The following SGTB variants were observed in gnomAD, a reference collection of about 807,000 sequenced individuals.
SGTB encodes small glutamine rich tetratricopeptide repeat co-chaperone beta.
SGTB carries 19 observed loss-of-function variants against 43.9 expected under a neutral mutation model. That is an observed-to-expected ratio of 0.43 (90% CI 0.30 to 0.63). The LOEUF (loss-of-function observed/expected upper bound fraction) is 0.63, where lower values mean the gene tolerates loss of function less well. SGTB is among the 30% of genes least tolerant of loss of function. SGTB has a pLI of 0.12. For synonymous variants in SGTB, 116 were observed against 117.3 expected (o/e 0.99, Z 0.07); for missense variants, 304 against 358.9 (o/e 0.85, Z 1.24).
intron 2 of SGTB, among the ~76,000 whole-genome samples, chr5:65,715,785 T>G (rs948173235): frequency 6.6e-6 from 1 of 152,210 alleles, no homozygotes; most frequent in Non-Finnish European, 1.5e-5. Flanking sequence ...TGTTGTTGTT[T>G]TTGAGACGGA....
Position 65,670,112 on chromosome 5 carries a change from G to A in SGTB, c.*134C>T, listed in dbSNP as rs1757127138. ...TTATTCTTTAAGAATATACACAAGA[G>A]GTTTTCCTCCATTATTTTCACACAT... is the stretch of plus-strand genomic sequence containing the variant. On this transcript the variant is annotated 3_prime_UTR_variant, in exon 11 of 11. Coordinates refer to ENST00000381007, the MANE Select transcript of SGTB (RefSeq NM_019072.3). 5 of 663,966 alleles carry A rather than the reference G, an allele frequency of 7.5e-6. No homozygotes were observed. Among genetic ancestry groups the A allele is most frequent in the Middle Eastern group, 5.7e-4 (2 of 3,502 alleles). The allele number at this position is 663,966 out of a possible 1,614,324, so 41.1% of individuals were successfully genotyped here. A position where few individuals can be genotyped will look rare whatever the true frequency, so the allele number is the denominator to read the frequency against.
chr5:65,698,005 G>A (rs1757743882), intron 5 of SGTB, among the ~76,000 whole-genome samples: 1 of 152,164 alleles, frequency 6.6e-6, no homozygotes, highest in South Asian at 2.1e-4. Context: ...TAGAGGAAAT[G>A]AATCTAATCT....
At chr5:65,704,688 T>A (rs1160811016) in intron 4 of SGTB, among the ~76,000 whole-genome samples, 1 of 152,172 alleles carries the variant, frequency 6.6e-6, no homozygotes, top group African/African-American at 2.4e-5. Flanking sequence ...TCTTCTCACC[T>A]TCCTTATCTT....
chr5:65,691,284 T>TTCTAAATC lies in SGTB; in HGVS notation c.375-5813_375-5812insGATTTAGA, dbSNP rs201705274. Among the ~76,000 whole-genome samples the TTCTAAATC allele has an allele frequency of 1.7e-3, 264 of 152,316 alleles. 6 individuals are homozygous for TTCTAAATC. The East Asian group carries it at 0.045, about 26-fold the overall frequency. ...TCATGTCCTGCAACCCAATCTTGGT[T>TTCTAAATC]TCTAAATACATCCTCCACTGAAAAG... On this transcript the variant is annotated intron_variant, in intron 5 of 10. Transcript: ENST00000381007.
intron 8 of SGTB, among the ~76,000 whole-genome samples, chr5:65,673,064 T>A (rs1221411066): frequency 6.6e-6 from 1 of 152,188 alleles, no homozygotes; most frequent in Non-Finnish European, 1.5e-5. Flanking sequence ...TTTAAACTAG[T>A]TCTGCAGCAG....
chr5:65,714,341 T>C (rs1758107781), intron 2 of SGTB, among the ~76,000 whole-genome samples: 1 of 152,156 alleles, frequency 6.6e-6, no homozygotes, highest in Admixed American at 6.5e-5. Context: ...AAAAAATCAC[T>C]GTCTACATGA....
intron 5 of SGTB, among the ~76,000 whole-genome samples, chr5:65,689,148 T>C (rs912204218): frequency 6.6e-6 from 1 of 152,238 alleles, no homozygotes; most frequent in Admixed American, 6.5e-5. Context: ...AATTTATCTT[T>C]AATAAATGCA....
chr5:65,671,650 T>C (rs1156972211), intron 10 of SGTB, among the ~76,000 whole-genome samples: 3 of 2,550 alleles, frequency 1.2e-3, no homozygotes, highest in Admixed American at 3.3e-3. Context: ...GGGGCGGGGG[T>C]GGGGGTGGGG....
chr5:65,694,405 C>T (rs1244846843), intron 5 of SGTB, among the ~76,000 whole-genome samples: 1 of 152,096 alleles, frequency 6.6e-6, no homozygotes, highest in Admixed American at 6.5e-5. Flanking sequence ...GCACTCCAGC[C>T]TGGGTGACAA....
intron 4 of SGTB, among the ~76,000 whole-genome samples, chr5:65,704,702 C>G (rs1561163727): frequency 6.6e-6 from 1 of 152,184 alleles, no homozygotes; most frequent in Non-Finnish European, 1.5e-5. Flanking sequence ...TTATCTTCAT[C>G]TCTCTCCTCC....
chr5:65,684,597 G>T (rs1579861327), intron 6 of SGTB, among the ~76,000 whole-genome samples: 1 of 152,234 alleles, frequency 6.6e-6, no homozygotes, highest in Admixed American at 6.5e-5. Flanking sequence ...CTGTCACCCA[G>T]ACTGGAGTGC....
intron 6 of SGTB, 114 bp downstream of exon 6, chr5:65,685,254 T>C: frequency 1.3e-6 from 1 of 796,736 alleles, no homozygotes; most frequent in Non-Finnish European, 2.0e-6. Flanking sequence ...GTTTTATTTA[T>C]CCTCTTATTA....
intron 10 of SGTB, 82 bp downstream of exon 10, chr5:65,671,833 G>C (rs548239690): frequency 2.4e-6 from 3 of 1,239,698 alleles, no homozygotes; most frequent in Non-Finnish European, 3.4e-6. Context: ...CATTTAAAAA[G>C]AAAGCCCTGA....
intron 5 of SGTB, among the ~76,000 whole-genome samples, chr5:65,690,468 A>G (rs1757584833): frequency 6.6e-6 from 1 of 152,158 alleles, no homozygotes; most frequent in Non-Finnish European, 1.5e-5. Flanking sequence ...GTAGCAGAAA[A>G]CAATTCAAAT....
At chr5:65,720,578 C>T (rs1418359269) in intron 2 of SGTB, 130 bp downstream of exon 2, 1 of 975,580 alleles carries the variant, frequency 1.0e-6, no homozygotes, top group Non-Finnish European at 1.5e-6. Context: ...ACCTTATAGT[C>T]AGGCCTCTCC....
intron 6 of SGTB, among the ~76,000 whole-genome samples, chr5:65,683,583 G>A (rs980627284): frequency 1.3e-5 from 2 of 152,146 alleles, no homozygotes; most frequent in Non-Finnish European, 2.9e-5. Flanking sequence ...GAACAAGCAA[G>A]GGAGACTGGA....
chr5:65,689,144 T>C (rs530948533), intron 5 of SGTB, among the ~76,000 whole-genome samples: 6 of 152,342 alleles, frequency 3.9e-5, no homozygotes, highest in African/African-American at 9.6e-5. Flanking sequence ...TTAAAATTTA[T>C]CTTTAATAAA....
chr5:65,714,665 A>C (rs1758114271), intron 2 of SGTB, among the ~76,000 whole-genome samples: 1 of 152,118 alleles, frequency 6.6e-6, no homozygotes, highest in African/African-American at 2.4e-5. Flanking sequence ...AAAAGTAAAA[A>C]TTAGCCAGAT....
intron 5 of SGTB, among the ~76,000 whole-genome samples, chr5:65,686,748 T>C (rs756292401): frequency 3.2e-4 from 48 of 152,128 alleles, no homozygotes; most frequent in Admixed American, 5.2e-4. Context: ...TAGTCAAAGG[T>C]CATGTCTTTC....
Sources: gnomAD v4.1 joint callset for allele counts (sites outside exome capture counted in the v4.1 genomes callset) on GRCh38, gnomAD v4.1.1 for gene constraint, MANE v1.5 for transcripts, NCBI Gene and HGNC (gene_info 2026-07-23, HGNC 2026-07-21) for gene names.